BMPR2: variants seen among roughly 807,000 people sequenced by gnomAD.
The protein encoded by BMPR2 is bone morphogenetic protein receptor type 2.
In BMPR2, 29 loss-of-function variants were observed where a neutral mutation model predicts 100.8. The ratio of observed to expected loss-of-function variants is 0.29; its 90% CI spans 0.21 to 0.39. The LOEUF (loss-of-function observed/expected upper bound fraction) is 0.39, where lower values mean the gene tolerates loss of function less well. Ranked by LOEUF, BMPR2 falls within the 10% of genes least tolerant of loss-of-function variation. BMPR2 has a pLI of 1.00. For missense variants in BMPR2, 1,011 were observed against 1,274.5 expected (o/e 0.79, Z 3.15); for synonymous variants, 382 against 442.3 (o/e 0.86, Z 1.71).
rs559660501 is a variant in BMPR2 at position 202,460,238 on chromosome 2, G to C, written c.77-4571G>C. 2.2e-3 allele frequency among the ~76,000 whole-genome samples: 331 copies of C among 152,242 alleles called. 1 individual carries two copies. The highest frequency in any genetic ancestry group is 4.3e-3 in the Non-Finnish European group (295 of 68,000). On this transcript the variant is annotated intron_variant, in intron 1 of 12. Coordinates refer to ENST00000374580, the MANE Select transcript of BMPR2 (RefSeq NM_001204.7). Reference sequence around the variant, plus strand: ...CAGCACTGTTCACAATAACAAAGACGTAGAATCAATCTAAATGCCTATCAG... The same window carrying C: ...CAGCACTGTTCACAATAACAAAGACCTAGAATCAATCTAAATGCCTATCAG...
intron 9 of BMPR2, among the ~76,000 whole-genome samples, chr2:202,540,696 T>C (rs929433095): frequency 9.9e-5 from 15 of 152,214 alleles, no homozygotes; most frequent in African/African-American, 3.6e-4. Context: ...ATTATAACTT[T>C]GTATTATCTC....
intron 1 of BMPR2, among the ~76,000 whole-genome samples, chr2:202,443,684 C>T (rs967695010): frequency 6.6e-6 from 1 of 150,488 alleles, no homozygotes; most frequent in African/African-American, 2.5e-5. Flanking sequence ...CTGCATCAGC[C>T]TCCCAAGTAG....
chr2:202,435,517 A>G (rs937024887), intron 1 of BMPR2, among the ~76,000 whole-genome samples: 1 of 149,214 alleles, frequency 6.7e-6, no homozygotes, highest in East Asian at 1.9e-4. Flanking sequence ...TATGAAGTAA[A>G]GTTAGAGTAA....
intron 11 of BMPR2, among the ~76,000 whole-genome samples, chr2:202,554,911 T>C (rs370016622): frequency 8.5e-5 from 13 of 152,258 alleles, no homozygotes; most frequent in East Asian, 3.8e-4. Context: ...ACATAACGTC[T>C]GGTTGTATGA....
At position 202,440,890 on chromosome 2, in the gene BMPR2, A is replaced by T. The variant is rs551344837; in HGVS notation, c.77-23919A>T. On this transcript the variant is annotated intron_variant, in intron 1 of 12. Coordinates refer to ENST00000374580, the MANE Select transcript of BMPR2 (RefSeq NM_001204.7). ...TTGAGAATGATCCTTTCTATTCCTA[A>T]TCATGAAATGGTGTTGTATATTTAT... is the stretch of plus-strand genomic sequence containing the variant. Among the ~76,000 whole-genome samples, 224 of 150,712 alleles carry T rather than the reference A, an allele frequency of 1.5e-3. 28 individuals carry two copies. Among genetic ancestry groups the T allele is most frequent in the African/African-American group, 5.4e-3 (218 of 40,024 alleles).
chr2:202,538,723 C>T (rs533049690), intron 9 of BMPR2, among the ~76,000 whole-genome samples: 20 of 147,264 alleles, frequency 1.4e-4, no homozygotes, highest in South Asian at 6.5e-4. Flanking sequence ...GAACCCGGGA[C>T]GCAGAGGTTG....
chr2:202,469,255 C>T lies in BMPR2; in HGVS notation c.418+1566C>T, dbSNP rs530599901. Among the ~76,000 whole-genome samples the T allele has an allele frequency of 4.6e-5, 7 of 151,760 alleles. No homozygotes were observed. In the South Asian group the frequency reaches 1.5e-3, roughly 32 times the overall value. On this transcript the variant is annotated intron_variant, in intron 3 of 12. Transcript: ENST00000374580. ...GTTGGTCAGGCTGGTCTCGAAGTCC[C>T]GACCTCAGGTGATCCACCTGCCTCA...
intron 1 of BMPR2, among the ~76,000 whole-genome samples, chr2:202,390,979 T>C (rs1690534871): frequency 7.9e-6 from 1 of 126,178 alleles, no homozygotes. Flanking sequence ...TAGTAAGTAG[T>C]CTTTTTTTTT....
intron 1 of BMPR2, among the ~76,000 whole-genome samples, chr2:202,446,285 G>A (rs1365218384): frequency 6.7e-6 from 1 of 150,076 alleles, no homozygotes; most frequent in Admixed American, 6.6e-5. Flanking sequence ...TGTAATCCCA[G>A]CTACTTGGGA....
rs1360699211 is a variant in BMPR2 at position 202,532,293 on chromosome 2, TTTTGCA to T, written c.1129-291_1129-286del. Among the ~76,000 whole-genome samples, 1 of 152,096 alleles carries T rather than the reference TTTTGCA, an allele frequency of 6.6e-6. No homozygotes were observed. The highest frequency in any genetic ancestry group is 6.5e-5 in the Admixed American group (1 of 15,274). The stretch of plus-strand genomic sequence containing the variant: ...AAAATATTAAGTTGTATACATATTG[TTTTGCA>T]ATTTTCTCACTGTATCTTACAGATT... On this transcript the variant is annotated intron_variant, in intron 8 of 12. Coordinates refer to ENST00000374580, the MANE Select transcript of BMPR2 (RefSeq NM_001204.7). This position sits in a 1 kb window ranked among gnomAD's most constrained non-coding sequence, Gnocchi z 4.1.
rs974407933 is a variant in BMPR2 at position 202,532,098 on chromosome 2, C to T, written c.1129-487C>T. Among the ~76,000 whole-genome samples the T allele has an allele frequency of 4.0e-5, 6 of 151,496 alleles. No homozygotes were observed. The highest frequency in any genetic ancestry group is 2.0e-4 in the Admixed American group (3 of 15,184). ...GGGACTACAGGCACCCACCACCATG[C>T]CTGGTTAATTTTTTATTTTTTTTTA... is the stretch of plus-strand genomic sequence containing the variant. On this transcript the variant is annotated intron_variant, in intron 8 of 12. Coordinates refer to ENST00000374580, the MANE Select transcript of BMPR2 (RefSeq NM_001204.7). This position sits in a 1 kb window ranked among gnomAD's most constrained non-coding sequence, Gnocchi z 4.1.
chr2:202,556,578 A>G lies in BMPR2; in HGVS notation c.2866+47A>G, dbSNP rs556032928. The G allele has an allele frequency of 2.5e-5, 40 of 1,585,482 alleles. No individual in the cohort carries two copies. The South Asian group carries it at 4.2e-4, about 17-fold the overall frequency. Reference sequence around the variant, plus strand: ...TCTCTCCTGTGTGTCTTTTGGGGCCATTTAAATAACTATTTAGAATCAACT... The same window carrying G: ...TCTCTCCTGTGTGTCTTTTGGGGCCGTTTAAATAACTATTTAGAATCAACT... On this transcript the variant is annotated intron_variant, in intron 12 of 12. Coordinates refer to ENST00000374580, the MANE Select transcript of BMPR2 (RefSeq NM_001204.7).
At chr2:202,554,902 C>T (rs1314269793) in intron 11 of BMPR2, among the ~76,000 whole-genome samples, 1 of 152,156 alleles carries the variant, frequency 6.6e-6, no homozygotes, top group East Asian at 1.9e-4. Flanking sequence ...TCTCATAAAA[C>T]ATAACGTCTG....
chr2:202,465,998 A>G (rs1312073785), intron 2 of BMPR2, among the ~76,000 whole-genome samples: 2 of 152,238 alleles, frequency 1.3e-5, no homozygotes, highest in Admixed American at 6.5e-5. Context: ...TATATGTATC[A>G]TAGTTTACTT....
chr2:202,434,132 G>A (rs1433567901), intron 1 of BMPR2, among the ~76,000 whole-genome samples: 1 of 150,380 alleles, frequency 6.6e-6, no homozygotes, highest in East Asian at 1.9e-4. Context: ...CATCTCATTG[G>A]GGGCCAAAAC....
chr2:202,536,965 A>G (rs1317371562), intron 9 of BMPR2, among the ~76,000 whole-genome samples: 13 of 151,988 alleles, frequency 8.6e-5, no homozygotes, highest in Admixed American at 8.5e-4. Context: ...TAGTGCAATC[A>G]TAGCTCACTG....
At chr2:202,535,574 G>C (rs556086477) in intron 9 of BMPR2, among the ~76,000 whole-genome samples, 1 of 151,530 alleles carries the variant, frequency 6.6e-6, no homozygotes, top group Non-Finnish European at 1.5e-5. Context: ...GATGGCGGCC[G>C]GGCGGAGACG....
At chr2:202,553,002 C>T in intron 11 of BMPR2, 114 bp downstream of exon 11, 1 of 1,292,670 alleles carries the variant, frequency 7.7e-7, no homozygotes, top group South Asian at 1.3e-5. Context: ...TTACCTCATA[C>T]AATCTAAAGT....
chr2:202,384,578 C>CTTTTCTTTA (rs1337147198), intron 1 of BMPR2, among the ~76,000 whole-genome samples: 1 of 60,232 alleles, frequency 1.7e-5, no homozygotes, highest in Non-Finnish European at 3.7e-5. Flanking sequence ...CTTTTTCTTT[C>CTTTTCTTTA]TTTTCTTTCT....
Sources: gnomAD v4.1 joint callset for allele counts (sites outside exome capture counted in the v4.1 genomes callset) on GRCh38, gnomAD v4.1.1 for gene constraint, Gnocchi (gnomAD v3.1) non-coding constraint, MANE v1.5 for transcripts, NCBI Gene and HGNC (gene_info 2026-07-23, HGNC 2026-07-21) for gene names.